SMAD9: variants seen among roughly 807,000 people sequenced by gnomAD.
The protein encoded by SMAD9 is SMAD family member 9.
SMAD9 carries 36 observed loss-of-function variants against 46.1 expected under a neutral mutation model. That is an observed-to-expected ratio of 0.78 (90% CI 0.60 to 1.03). The LOEUF (loss-of-function observed/expected upper bound fraction) is 1.03, where lower values mean the gene tolerates loss of function less well. Ranked by LOEUF, SMAD9 falls within the 50% of genes least tolerant of loss-of-function variation. SMAD9 has a pLI of 0.00. For synonymous variants in SMAD9, 245 were observed against 237.1 expected (o/e 1.03, Z -0.31); for missense variants, 572 against 599.8 (o/e 0.95, Z 0.48).
intron 1 of SMAD9, among the ~76,000 whole-genome samples, chr13:36,887,286 G>A (rs1248940310): frequency 1.4e-5 from 2 of 138,292 alleles, no homozygotes; most frequent in Non-Finnish European, 1.5e-5. Flanking sequence ...GCAGTGGCGC[G>A]ATCTCAGCTC....
chr13:36,917,652 G>T (rs971476643), intron 1 of SMAD9, among the ~76,000 whole-genome samples: 4 of 152,134 alleles, frequency 2.6e-5, no homozygotes, highest in African/African-American at 9.7e-5. Flanking sequence ...TGGCAAATCA[G>T]AAAAACCACA....
chr13:36,910,288 G>C (rs915628608), intron 1 of SMAD9, among the ~76,000 whole-genome samples: 1 of 151,984 alleles, frequency 6.6e-6, no homozygotes, highest in Non-Finnish European at 1.5e-5. Flanking sequence ...TTCAAATGTA[G>C]AGATGGAACC....
At chr13:36,893,581 A>G (rs1005934673) in intron 1 of SMAD9, among the ~76,000 whole-genome samples, 45 of 151,546 alleles carry the variant, frequency 3.0e-4, no homozygotes, top group Non-Finnish European at 5.3e-4. Context: ...TAATCTTACA[A>G]TTGAATTTCA....
At chr13:36,919,683 C>G (rs901658828) in intron 1 of SMAD9, among the ~76,000 whole-genome samples, 1 of 151,430 alleles carries the variant, frequency 6.6e-6, no homozygotes, top group Admixed American at 6.6e-5. Flanking sequence ...GCCCCAGCCC[C>G]GACCCGACCG....
At chr13:36,901,414 T>G (rs114838610) in intron 1 of SMAD9, among the ~76,000 whole-genome samples, 39 of 148,944 alleles carry the variant, frequency 2.6e-4, no homozygotes, top group African/African-American at 9.7e-4. Context: ...GTTTGGCTTC[T>G]TTTTTGTTTT....
rs1192696345 is a variant in SMAD9 at position 36,845,511 on chromosome 13, A to G, written c.*3165T>C. On this transcript the variant is annotated 3_prime_UTR_variant, in exon 7 of 7. Coordinates refer to ENST00000379826, the MANE Select transcript of SMAD9 (RefSeq NM_001127217.3). ...TGTGAGCAGACCGAAATGTTACTAC[A>G]GTGTTCTCTATTGTGTGATCCTTGT... 1.3e-5 allele frequency: 2 copies of G among 152,130 alleles called. No homozygotes were observed. Among genetic ancestry groups the G allele is most frequent in the African/African-American group, 4.8e-5 (2 of 41,414 alleles). 9.4% of individuals were successfully genotyped at this position (152,130 alleles called of 1,614,324 possible).
At position 36,879,600 on chromosome 13, in the gene SMAD9, C is replaced by G; in HGVS notation, c.90G>C (p.Glu30Asp). Residue 30 changes from glutamate to aspartate, a missense_variant, in exon 2 of 7, where the codon GAG (glutamate) becomes GAC (aspartate). By Grantham distance (45) the Glu-to-Asp change is conservative. Coordinates refer to ENST00000379826, the MANE Select transcript of SMAD9 (RefSeq NM_001127217.3). Reference protein sequence around the residue: ...RLLGWKQGDEEEKWAEKAVDS... With the variant: ...RLLGWKQGDEDEKWAEKAVDS... ...CCACTGCCTTCTCTGCCCACTTTTC[C>G]TCTTCATCTCCTTGCTTCCAGCCTA... 1.9e-6 allele frequency: 3 copies of G among 1,614,244 alleles called. No homozygotes were observed. The highest frequency in any genetic ancestry group is 2.5e-6 in the Non-Finnish European group (3 of 1,180,052).
intron 1 of SMAD9, among the ~76,000 whole-genome samples, chr13:36,892,958 T>A: frequency 6.6e-6 from 1 of 152,130 alleles, no homozygotes; most frequent in East Asian, 1.9e-4. Flanking sequence ...TTAAAATATC[T>A]TCATATAATT....
intron 1 of SMAD9, among the ~76,000 whole-genome samples, chr13:36,893,407 C>T (rs1412194961): frequency 6.8e-6 from 1 of 146,874 alleles, no homozygotes; most frequent in Non-Finnish European, 1.5e-5. Context: ...TATATATTTC[C>T]CCCTTCACAG....
At chr13:36,920,081 C>A (rs1431744632) in intron 1 of SMAD9, 35 bp downstream of exon 1, 2 of 150,762 alleles carry the variant, frequency 1.3e-5, no homozygotes, top group African/African-American at 4.9e-5. Context: ...CCGCCGTGGT[C>A]CCCCGGCCGC....
At chr13:36,857,227 A>C (rs1302615909) in intron 5 of SMAD9, among the ~76,000 whole-genome samples, 1 of 152,180 alleles carries the variant, frequency 6.6e-6, no homozygotes, top group Non-Finnish European at 1.5e-5. Flanking sequence ...GTTGCAATCA[A>C]ATATGCCATT....
rs1460389861 is a variant in SMAD9, at chr13:36,845,243, T to G, written c.*3433A>C. The G allele has an allele frequency of 6.6e-6, 1 of 152,130 alleles. No homozygotes were observed. The highest frequency in any genetic ancestry group is 2.4e-5 in the African/African-American group (1 of 41,430). The allele number at this position is 152,130 out of a possible 1,614,324, so 9.4% of individuals were successfully genotyped here. On this transcript the variant is annotated 3_prime_UTR_variant, in exon 7 of 7. Transcript: ENST00000379826. Reference sequence around the variant, plus strand: ...TGTTGCTGTTATGGGAACATCCATATCCTTAGAAGACAATAAAAAAGAGGA... The same window carrying G: ...TGTTGCTGTTATGGGAACATCCATAGCCTTAGAAGACAATAAAAAAGAGGA...
chr13:36,907,150 G>A (rs1369876421), intron 1 of SMAD9, among the ~76,000 whole-genome samples: 1 of 152,140 alleles, frequency 6.6e-6, no homozygotes, highest in Non-Finnish European at 1.5e-5. Flanking sequence ...GACAAATGAT[G>A]CATGATTCCA....
At chr13:36,874,700 AC>A (rs1402172435) in intron 2 of SMAD9, among the ~76,000 whole-genome samples, 1 of 151,746 alleles carries the variant, frequency 6.6e-6, no homozygotes, top group African/African-American at 2.4e-5. Flanking sequence ...TACTAAAAAT[AC>A]AAAAAATTAG....
At chr13:36,906,245 T>C (rs1320353821) in intron 1 of SMAD9, among the ~76,000 whole-genome samples, 1 of 152,154 alleles carries the variant, frequency 6.6e-6, no homozygotes, top group Non-Finnish European at 1.5e-5. Flanking sequence ...TTATTTAAAA[T>C]TAATGTGAAC....
intron 5 of SMAD9, among the ~76,000 whole-genome samples, chr13:36,864,434 C>A (rs1315244290): frequency 2.0e-5 from 3 of 152,168 alleles, no homozygotes; most frequent in Non-Finnish European, 2.9e-5. Context: ...CAAGTACTAA[C>A]CAGGCCCGAC....
chr13:36,880,627 C>T (rs546066261), intron 1 of SMAD9, among the ~76,000 whole-genome samples: 2 of 152,300 alleles, frequency 1.3e-5, no homozygotes, highest in South Asian at 4.1e-4. Flanking sequence ...TTTAAGGGGA[C>T]TATGAGGTTC....
At chr13:36,852,111 T>C in intron 6 of SMAD9, 1 of 975,610 alleles carries the variant, frequency 1.0e-6, no homozygotes, top group Non-Finnish European at 1.2e-6. Flanking sequence ...GAAACTGCTT[T>C]GTCACCATGA....
rs2058044860 is a variant in SMAD9, at chr13:36,847,528, T to C, written c.*1148A>G. The C allele has an allele frequency of 6.6e-6, 1 of 152,258 alleles. No homozygotes were observed. The highest frequency in any genetic ancestry group is 2.4e-5 in the African/African-American group (1 of 41,470). 9.4% of individuals were successfully genotyped at this position (152,258 alleles called of 1,614,324 possible). On this transcript the variant is annotated 3_prime_UTR_variant, in exon 7 of 7. Transcript: ENST00000379826. ...AAATTGCAGATGATTATGAAATTAT[T>C]ATCACTTTCCTTGGGAATTTATTTC...
Sources: gnomAD v4.1 joint callset for allele counts (sites outside exome capture counted in the v4.1 genomes callset) on GRCh38, gnomAD v4.1.1 for gene constraint, MANE v1.5 for transcripts, NCBI Gene and HGNC (gene_info 2026-07-23, HGNC 2026-07-21) for gene names.